PCDHGA3: variants seen among roughly 807,000 people sequenced by gnomAD.
The protein encoded by PCDHGA3 is protocadherin gamma subfamily A, 3.
A neutral mutation model predicts 58.5 loss-of-function variants in PCDHGA3; 40 were observed. That is an observed-to-expected ratio of 0.68 (90% CI 0.53 to 0.89). The LOEUF (loss-of-function observed/expected upper bound fraction) is 0.89, where lower values mean the gene tolerates loss of function less well. Among genes scored for constraint, PCDHGA3 ranks in the 40% least tolerant of loss-of-function variants. PCDHGA3 has a pLI of 0.00. For synonymous variants in PCDHGA3, 530 were observed against 525.7 expected (o/e 1.01, Z -0.11); for missense variants, 1,223 against 1,195.9 (o/e 1.02, Z -0.33).
intron 1 of PCDHGA3, among the ~76,000 whole-genome samples, chr5:141,397,091 A>G (rs1162135708): frequency 1.3e-5 from 2 of 152,264 alleles, no homozygotes; most frequent in Non-Finnish European, 2.9e-5. Flanking sequence ...CATTTCAGAT[A>G]GGATAATAAT....
intron 1 of PCDHGA3, chr5:141,395,898 GC>G (rs1337402820): frequency 6.6e-6 from 1 of 151,994 alleles, no homozygotes; most frequent in Non-Finnish European, 1.5e-5. Context: ...TGGGCTCCAT[GC>G]CCATGGAGAC....
chr5:141,364,767 C>T (rs868142397), intron 1 of PCDHGA3: 1 of 1,613,876 alleles, frequency 6.2e-7, no homozygotes, highest in Non-Finnish European at 8.5e-7. Flanking sequence ...AATGAAAATG[C>T]GGCTGCAGGG....
intron 1 of PCDHGA3, among the ~76,000 whole-genome samples, chr5:141,470,537 A>G (rs189730495): frequency 1.3e-5 from 2 of 152,256 alleles, no homozygotes; most frequent in Non-Finnish European, 2.9e-5. Context: ...TGTATCAGGT[A>G]ATATTTATTG....
In PCDHGA3 at chr5:141,388,120, C is replaced by G. The variant is rs945677635; in HGVS notation, c.2424+41663C>G. The G allele has an allele frequency of 2.8e-6, 4 of 1,422,500 alleles. No homozygotes were observed. The African/African-American group carries it at 5.8e-5, about 20-fold the overall frequency. 88.1% of individuals were successfully genotyped at this position (1,422,500 alleles called of 1,614,324 possible). On this transcript the variant is annotated intron_variant, in intron 1 of 3. Coordinates refer to ENST00000253812, the MANE Select transcript of PCDHGA3 (RefSeq NM_018916.4). ...GAGAAGCCTTACTTCACCGTGAGCG[C>G]AGAGAGCGGGGAGTTGCTTGTGAGC...
rs560197175 is a variant in PCDHGA3, at chr5:141,434,430, G to A, written c.2425-60377G>A. Among the ~76,000 whole-genome samples the A allele has an allele frequency of 2.4e-4, 36 of 152,326 alleles. 1 individual carries two copies. In the South Asian group the frequency reaches 6.4e-3, roughly 27 times the overall value. On this transcript the variant is annotated intron_variant, in intron 1 of 3. Coordinates refer to ENST00000253812, the MANE Select transcript of PCDHGA3 (RefSeq NM_018916.4). ...GCACTGTGACATGTTCATGATGGCC[G>A]TAATGCCCATGCTGGAAGGTAGTGG...
chr5:141,382,666 G>A (rs910632221), intron 1 of PCDHGA3: 20 of 422,596 alleles, frequency 4.7e-5, no homozygotes, highest in African/African-American at 3.6e-4. Flanking sequence ...TCACAGCGCC[G>A]CTGTTCACCA....
In PCDHGA3 at chr5:141,490,267, G is replaced by A. The variant is rs765238578; in HGVS notation, c.2425-4540G>A. ...TGTGATTCAAGTGGATGTGGGGGAT[G>A]TCAATGACAATGCCCCAGAGGTGCT... On this transcript the variant is annotated intron_variant, in intron 1 of 3. Transcript: ENST00000253812. The surrounding 1 kb of genome is among the most constrained non-coding windows in gnomAD (Gnocchi z 5.4). The A allele has an allele frequency of 6.2e-7, 1 of 1,614,242 alleles. No homozygotes were observed. The highest frequency in any genetic ancestry group is 1.1e-5 in the South Asian group (1 of 91,084).
At chr5:141,409,897 A>C (rs549955923) in intron 1 of PCDHGA3, 1 of 1,613,086 alleles carries the variant, frequency 6.2e-7, no homozygotes, top group Non-Finnish European at 8.5e-7. Context: ...TGCTGTACCC[A>C]GCTCTGGGTC....
intron 1 of PCDHGA3, chr5:141,351,505 C>A (rs780867267): frequency 6.2e-7 from 1 of 1,614,000 alleles, no homozygotes; most frequent in Non-Finnish European, 8.5e-7. Flanking sequence ...CAGACTACAA[C>A]GTCACAATCA....
In PCDHGA3 at chr5:141,431,464, G is replaced by C. The variant is rs1413324509; in HGVS notation, c.2425-63343G>C. On this transcript the variant is annotated intron_variant, in intron 1 of 3. Coordinates refer to ENST00000253812, the MANE Select transcript of PCDHGA3 (RefSeq NM_018916.4). This position sits in a 1 kb window ranked among gnomAD's most constrained non-coding sequence, Gnocchi z 4.8. ...GCATCCGCGTGATGGTTCTGGATGCGAACGACAACGCACCAGCGTTTGCTC... is the reference window on the plus strand; with the variant it reads ...GCATCCGCGTGATGGTTCTGGATGCCAACGACAACGCACCAGCGTTTGCTC... The C allele has an allele frequency of 6.2e-7, 1 of 1,613,664 alleles. No individual in the cohort carries two copies. Among genetic ancestry groups the C allele is most frequent in the African/African-American group, 1.3e-5 (1 of 74,950 alleles).
chr5:141,386,594 C>T (rs573192677), intron 1 of PCDHGA3, among the ~76,000 whole-genome samples: 2 of 151,204 alleles, frequency 1.3e-5, no homozygotes, highest in Non-Finnish European at 2.9e-5. Flanking sequence ...GTGGGGGATA[C>T]ATTTTTTTTT....
intron 1 of PCDHGA3, chr5:141,376,561 A>C (rs780141155): frequency 4.2e-5 from 67 of 1,608,210 alleles, no homozygotes; most frequent in Non-Finnish European, 5.4e-5. Context: ...CCGCAACCCA[A>C]CTAATCAGAC....
chr5:141,389,676 C>T, intron 1 of PCDHGA3: 1 of 1,612,444 alleles, frequency 6.2e-7, no homozygotes, highest in Non-Finnish European at 8.5e-7. Context: ...AGACTCAGGA[C>T]ACAACGCCTG....
Position 141,477,598 on chromosome 5 carries a change from C to A in PCDHGA3, c.2425-17209C>A. The A allele has an allele frequency of 6.2e-7, 1 of 1,614,180 alleles. No homozygotes were observed. The highest frequency in any genetic ancestry group is 8.5e-7 in the Non-Finnish European group (1 of 1,180,030). ...CCCCGCAGAATGCTCGGCTTTCTTT[C>A]TTTCTCTTGGAGCAAGGAGCTGAAA... On this transcript the variant is annotated intron_variant, in intron 1 of 3. Transcript: ENST00000253812. This position sits in a 1 kb window ranked among gnomAD's most constrained non-coding sequence, Gnocchi z 4.9.
chr5:141,389,789 C>A (rs1437335316), intron 1 of PCDHGA3: 4 of 1,613,328 alleles, frequency 2.5e-6, no homozygotes, highest in African/African-American at 2.7e-5. Flanking sequence ...ACAGGGACGC[C>A]GTCCGCCAGC....
Position 141,420,043 on chromosome 5 carries a change from G to T in PCDHGA3, c.2424+73586G>T, listed in dbSNP as rs747553514. On this transcript the variant is annotated intron_variant, in intron 1 of 3. Coordinates refer to ENST00000253812, the MANE Select transcript of PCDHGA3 (RefSeq NM_018916.4). ...GCCCTACTGCAGGAGACTGCTTTGAGTCAGTTCTCTGCTCCAAGTCCGGAC... is the reference window on the plus strand; with the variant it reads ...GCCCTACTGCAGGAGACTGCTTTGATTCAGTTCTCTGCTCCAAGTCCGGAC... The T allele has an allele frequency of 1.9e-6, 3 of 1,614,078 alleles. No individual in the cohort carries two copies. In the Admixed American group the frequency reaches 5.0e-5, roughly 27 times the overall value.
intron 1 of PCDHGA3, chr5:141,387,734 T>C: frequency 7.7e-7 from 1 of 1,302,214 alleles, no homozygotes; most frequent in East Asian, 2.5e-5. Context: ...GCGCCAGCCT[T>C]TACACCGCTT....
Position 141,485,468 on chromosome 5 carries a change from A to G in PCDHGA3, c.2425-9339A>G. On this transcript the variant is annotated intron_variant, in intron 1 of 3. Coordinates refer to ENST00000253812, the MANE Select transcript of PCDHGA3 (RefSeq NM_018916.4). This position sits in a 1 kb window ranked among gnomAD's most constrained non-coding sequence, Gnocchi z 5.7. The stretch of plus-strand genomic sequence containing the variant: ...CGACCGAGAGGCACTGTGTGGGCTC[A>G]GTGCCAGCTGCATCGTGCCCCTGGA... 1 of 1,614,166 alleles carries G rather than the reference A, an allele frequency of 6.2e-7. No homozygotes were observed. Among genetic ancestry groups the G allele is most frequent in the Non-Finnish European group, 8.5e-7 (1 of 1,180,020 alleles).
intron 1 of PCDHGA3, chr5:141,370,517 G>T (rs1766988791): frequency 6.2e-7 from 1 of 1,613,762 alleles, no homozygotes; most frequent in African/African-American, 1.3e-5. Context: ...CCGAGGAGCT[G>T]GACAGGGGCT....
Sources: allele counts gnomAD v4.1 joint callset (sites outside exome capture counted in the v4.1 genomes callset), GRCh38; gene constraint gnomAD v4.1.1; non-coding constraint Gnocchi (gnomAD v3.1); transcripts MANE v1.5; gene names NCBI Gene and HGNC (gene_info 2026-07-23, HGNC 2026-07-21).